Variants in TDRP observed in about 807,000 individuals in gnomAD.
TDRP encodes testis development-related protein.
A neutral mutation model predicts 10.5 loss-of-function variants in TDRP; 12 were observed. The observed-to-expected ratio is 1.15, with a 90% CI of 0.73 to 1.86. The LOEUF is 1.86. TDRP is among the 40% of genes most tolerant of loss of function. The probability of loss-of-function intolerance (pLI) is 0.00; values close to 1 mark genes in which losing one functional copy is unlikely to be tolerated. For synonymous variants in TDRP, 139 were observed against 95.4 expected (o/e 1.46, Z -2.67); for missense variants, 353 against 229.2 (o/e 1.54, Z -3.49).
rs116236482 is a variant in TDRP at position 506,593 on chromosome 8, G to A, written c.109-11996C>T. The stretch of plus-strand genomic sequence containing the variant: ...AGCCCTGATCACCCTTCCTGGGCTC[G>A]AGAGGTGACGGTTCCACCCCAGGAG... On this transcript the variant is annotated intron_variant, in intron 1 of 2. Coordinates refer to ENST00000324079, the MANE Select transcript of TDRP (RefSeq NM_001384899.1). 5.0e-3 allele frequency among the ~76,000 whole-genome samples: 769 copies of A among 152,296 alleles called. 4 individuals are homozygous for A. Among genetic ancestry groups the A allele is most frequent in the African/African-American group, 0.017 (714 of 41,566 alleles).
chr8:507,113 A>G (rs1801487838), intron 1 of TDRP, among the ~76,000 whole-genome samples: 1 of 152,144 alleles, frequency 6.6e-6, no homozygotes, highest in Non-Finnish European at 1.5e-5. Flanking sequence ...AGGGAGTATG[A>G]GCATGCACAG....
At chr8:503,083 G>A (rs1171168594) in intron 1 of TDRP, among the ~76,000 whole-genome samples, 1 of 149,652 alleles carries the variant, frequency 6.7e-6, no homozygotes, top group African/African-American at 2.5e-5. Flanking sequence ...ACCTCAGCAT[G>A]TGTCAACATG....
intron 2 of TDRP, among the ~76,000 whole-genome samples, chr8:493,784 T>C (rs1249278375): frequency 6.6e-6 from 1 of 152,176 alleles, no homozygotes; most frequent in Non-Finnish European, 1.5e-5. Context: ...TGGTTGTTTT[T>C]GTTTTGTTTT....
intron 1 of TDRP, among the ~76,000 whole-genome samples, chr8:499,357 T>G (rs539383821): frequency 1.2e-4 from 18 of 152,298 alleles, no homozygotes; most frequent in African/African-American, 4.1e-4. Context: ...TTCCACCCTT[T>G]GAACACCACG....
chr8:538,552 A>G (rs901290125), intron 1 of TDRP, among the ~76,000 whole-genome samples: 1 of 152,208 alleles, frequency 6.6e-6, no homozygotes, highest in Non-Finnish European at 1.5e-5. Flanking sequence ...CAAAACTGAT[A>G]CTTGGCTAGG....
Position 491,515 on chromosome 8 carries a change from C to T in TDRP, c.*884G>A. ...CTTCTTACAGATCTAACACCAATCA[C>T]AATAGGCATCTCGCTTTGCAAGAAC... On this transcript the variant is annotated 3_prime_UTR_variant, in exon 3 of 3. Transcript: ENST00000324079. The T allele has an allele frequency of 1.7e-6, 2 of 1,196,720 alleles. No individual in the cohort carries two copies. The highest frequency in any genetic ancestry group is 5.3e-5 in the East Asian group (2 of 37,658). 74.1% of individuals were successfully genotyped at this position (1,196,720 alleles called of 1,614,324 possible).
intron 1 of TDRP, among the ~76,000 whole-genome samples, chr8:515,636 C>T (rs938953236): frequency 6.6e-6 from 1 of 152,126 alleles, no homozygotes; most frequent in Non-Finnish European, 1.5e-5. Flanking sequence ...TGGCACAACC[C>T]ACTGATGTCA....
At chr8:532,782 G>A (rs1211658094) in intron 1 of TDRP, among the ~76,000 whole-genome samples, 1 of 152,134 alleles carries the variant, frequency 6.6e-6, no homozygotes, top group African/African-American at 2.4e-5. Flanking sequence ...TCTAAACTAA[G>A]GGTCAGCAAA....
intron 2 of TDRP, 92 bp from the exon 3 acceptor site, chr8:492,836 T>C (rs1563114434): frequency 2.9e-6 from 3 of 1,044,336 alleles, no homozygotes; most frequent in Non-Finnish European, 4.0e-6. Context: ...TTTAAAATTT[T>C]AAAAAATTGT....
chr8:510,690 T>G (rs1801592766), intron 1 of TDRP, among the ~76,000 whole-genome samples: 2 of 152,208 alleles, frequency 1.3e-5, no homozygotes, highest in African/African-American at 4.8e-5. Context: ...GATGAATAAA[T>G]CTGAACTTCT....
rs191721459 is a variant in TDRP, at chr8:502,999, C to T, written c.109-8402G>A. Among the ~76,000 whole-genome samples, 16 of 151,674 alleles carry T rather than the reference C, an allele frequency of 1.1e-4. No individual in the cohort carries two copies. The East Asian group carries it at 2.0e-3, about 19-fold the overall frequency. ...CACACGTCAACACAGAATACAGAGC[C>T]GCACATCAGAACCAATGCCCACCTC... On this transcript the variant is annotated intron_variant, in intron 1 of 2. Coordinates refer to ENST00000324079, the MANE Select transcript of TDRP (RefSeq NM_001384899.1).
chr8:539,781 C>T (rs879536994), intron 1 of TDRP, among the ~76,000 whole-genome samples: 1 of 152,204 alleles, frequency 6.6e-6, no homozygotes, highest in Non-Finnish European at 1.5e-5. Context: ...TCTTCCCAGA[C>T]ACCACTAAAG....
Position 491,860 on chromosome 8 carries a change from T to C in TDRP, c.*539A>G, listed in dbSNP as rs1585130110. 8.3e-6 allele frequency: 10 copies of C among 1,199,656 alleles called. No homozygotes were observed. The African/African-American group carries it at 9.4e-5, about 11-fold the overall frequency. 74.3% of individuals were successfully genotyped at this position (1,199,656 alleles called of 1,614,324 possible). ...ACATTTTACTCCCAAATATAAGCTTTGCTTTTCCAGTATTTGTTTACGTAT... is the reference window on the plus strand; with the variant it reads ...ACATTTTACTCCCAAATATAAGCTTCGCTTTTCCAGTATTTGTTTACGTAT... On this transcript the variant is annotated 3_prime_UTR_variant, in exon 3 of 3. Coordinates refer to ENST00000324079, the MANE Select transcript of TDRP (RefSeq NM_001384899.1).
chr8:516,694 G>A (rs1362422311), intron 1 of TDRP, among the ~76,000 whole-genome samples: 3 of 152,144 alleles, frequency 2.0e-5, no homozygotes, highest in African/African-American at 7.2e-5. Flanking sequence ...CAGTTTGGCA[G>A]TTTCTTATAA....
rs553014928 is a variant in TDRP, at chr8:544,674, G to A, written c.84C>T (p.Ala28=). 4.3e-4 allele frequency: 531 copies of A among 1,228,800 alleles called. 4 individuals carry two copies. In the African/African-American group the frequency reaches 7.5e-3, roughly 17 times the overall value. 76.1% of individuals were successfully genotyped at this position (1,228,800 alleles called of 1,614,324 possible). The change falls in exon 1 of 3, where the codon GCC becomes GCT. Residue 28 remains alanine (A), a synonymous_variant. Transcript: ENST00000324079. ...EDGLRGGPPP[A]AAAAAQAQVQ... is the part of the protein sequence containing the mutation. ...CCTGCGCCTGGGCGGCGGCGGCGGC[G>A]GCCGGTGGCGGCCCCCCACGCAGGC...
chr8:537,815 G>A (rs2053787), intron 1 of TDRP, among the ~76,000 whole-genome samples: 1 of 152,138 alleles, frequency 6.6e-6, no homozygotes, highest in African/African-American at 2.4e-5. Flanking sequence ...GTAAAGATAG[G>A]ATAAATTTAG....
Position 521,940 on chromosome 8 carries a change from A to T in TDRP, c.108+22710T>A, listed in dbSNP as rs557091870. Among the ~76,000 whole-genome samples, 3 of 152,078 alleles carry T rather than the reference A, an allele frequency of 2.0e-5. No individual in the cohort carries two copies. The Middle Eastern group carries it at 0.01, about 517-fold the overall frequency. On this transcript the variant is annotated intron_variant, in intron 1 of 2. Coordinates refer to ENST00000324079, the MANE Select transcript of TDRP (RefSeq NM_001384899.1). ...TTTTCAGTCTTTCACCTCCTTCATT[A>T]TTTCTAAGTACCTTTTTTCTTGATG...
chr8:514,076 G>C (rs919076740), intron 1 of TDRP, among the ~76,000 whole-genome samples: 1 of 152,142 alleles, frequency 6.6e-6, no homozygotes, highest in Non-Finnish European at 1.5e-5. Flanking sequence ...CTGATTCTTT[G>C]TAAAAACTGA....
At chr8:499,527 A>C (rs1801227925) in intron 1 of TDRP, among the ~76,000 whole-genome samples, 1 of 152,044 alleles carries the variant, frequency 6.6e-6, no homozygotes, top group Admixed American at 6.5e-5. Context: ...TCTAACATGC[A>C]CCTCCATGGA....
Sources: gnomAD v4.1 joint callset for allele counts (sites outside exome capture counted in the v4.1 genomes callset) on GRCh38, gnomAD v4.1.1 for gene constraint, MANE v1.5 for transcripts, NCBI Gene and HGNC (gene_info 2026-07-23, HGNC 2026-07-21) for gene names.